CDC42BPB: variants seen among roughly 807,000 people sequenced by gnomAD.
CDC42BPB encodes the protein serine/threonine-protein kinase MRCK beta.
A neutral mutation model predicts 214.9 loss-of-function variants in CDC42BPB; 37 were observed. That is an observed-to-expected ratio of 0.17 (90% CI 0.13 to 0.23). The LOEUF (loss-of-function observed/expected upper bound fraction) is 0.23. Ranked by LOEUF, CDC42BPB falls within the 10% of genes least tolerant of loss-of-function variation. CDC42BPB has a pLI of 1.00. For missense variants in CDC42BPB, 1,694 were observed against 2,227.0 expected, an observed-to-expected ratio of 0.76 and a Z score of 4.82; for synonymous variants, 931 against 884.0, an observed-to-expected ratio of 1.05 and a Z score of -0.94.
intron 4 of CDC42BPB, among the ~76,000 whole-genome samples, chr14:103,000,183 GA>G (rs1894914507): frequency 6.6e-6 from 1 of 152,222 alleles, no homozygotes; most frequent in Admixed American, 6.5e-5. Context: ...TAAAAGAGCC[GA>G]AAGATAATTA....
At chr14:103,051,619 A>G (rs1445772013) in intron 1 of CDC42BPB, among the ~76,000 whole-genome samples, 5 of 152,202 alleles carry the variant, frequency 3.3e-5, no homozygotes, top group Non-Finnish European at 7.3e-5. Flanking sequence ...CAAGCAGAGG[A>G]GCTCTCTGTC....
At chr14:103,013,594 T>G (rs1886281473) in intron 1 of CDC42BPB, among the ~76,000 whole-genome samples, 1 of 152,288 alleles carries the variant, frequency 6.6e-6, no homozygotes, top group Non-Finnish European at 1.5e-5. Context: ...AGGCCCTAAG[T>G]CCAACAAGAC....
At chr14:102,946,399 T>A in intron 28 of CDC42BPB, 69 bp downstream of exon 28, 1 of 1,522,208 alleles carries the variant, frequency 6.6e-7, no homozygotes, top group Non-Finnish European at 9.0e-7. Flanking sequence ...GATTTTCAGA[T>A]GGGCACTGCA....
rs112499080 is a variant in CDC42BPB, at chr14:102,998,838, C to A, written c.596+727G>T. 2.0e-3 allele frequency among the ~76,000 whole-genome samples: 297 copies of A among 152,218 alleles called. 1 individual carries two copies. Among genetic ancestry groups the A allele is most frequent in the African/African-American group, 6.8e-3 (282 of 41,530 alleles). On this transcript the variant is annotated intron_variant, in intron 5 of 36. Transcript: ENST00000361246. Reference sequence around the variant, plus strand: ...GGGACAGAGGGCCCCAGGCCCCACACGAGACATTTCAGGGTGGTAAGGACA... The same window carrying A: ...GGGACAGAGGGCCCCAGGCCCCACAAGAGACATTTCAGGGTGGTAAGGACA...
At chr14:103,045,494 C>A (rs944980809) in intron 1 of CDC42BPB, among the ~76,000 whole-genome samples, 2 of 151,930 alleles carry the variant, frequency 1.3e-5, no homozygotes, top group Non-Finnish European at 2.9e-5. Context: ...TCCAGCCACC[C>A]GAGGAGCAGG....
chr14:102,937,286 C>A (rs1032901456), intron 36 of CDC42BPB: 10 of 152,534 alleles, frequency 6.6e-5, no homozygotes, highest in African/African-American at 2.4e-4. Flanking sequence ...CAGACAAAGA[C>A]AGGCTGGGGG....
chr14:102,968,557 C>G lies in CDC42BPB; in HGVS notation c.2155G>C (p.Val719Leu). The G allele has an allele frequency of 6.2e-7, 1 of 1,614,100 alleles. No individual in the cohort carries two copies. Among genetic ancestry groups the G allele is most frequent in the Non-Finnish European group, 8.5e-7 (1 of 1,180,026 alleles). Residue 719 changes from valine (V) to leucine (L), a missense_variant, in exon 15 of 37, where the codon GTG (valine) becomes CTG (leucine). Val to Leu is a conservative substitution (Grantham distance 32). Around this residue, in one of 7 missense-constraint regions of CDC42BPB, gnomAD observed 462 missense variants for 513.5 expected, o/e 0.90. Transcript: ENST00000361246. ...VLEVKNVKKE[V>L]HDSESHQLAL... ...AGCTGGTGGCTTTCTGAATCATGCA[C>G]CTCCTTCTTCACATTTTTCACTTCT... is the stretch of plus-strand genomic sequence containing the variant.
rs200790664 is a variant in CDC42BPB, at chr14:102,963,043, C to T, written c.2821+18G>A. The T allele has an allele frequency of 1.7e-4, 188 of 1,099,730 alleles. 1 individual carries two copies. The African/African-American group carries it at 2.1e-3, about 13-fold the overall frequency. The allele number at this position is 1,099,730 out of a possible 1,614,324, so 68.1% of individuals were successfully genotyped here. On this transcript the variant is annotated intron_variant, in intron 20 of 36. Coordinates refer to ENST00000361246, the MANE Select transcript of CDC42BPB (RefSeq NM_006035.4). ...TACTTATATTCAAATAATGCAGAATCGCACAACATTAATTTACCAGTATCT... is the reference window on the plus strand; with the variant it reads ...TACTTATATTCAAATAATGCAGAATTGCACAACATTAATTTACCAGTATCT...
intron 5 of CDC42BPB, among the ~76,000 whole-genome samples, chr14:102,986,969 C>T (rs1260386420): frequency 6.6e-6 from 1 of 152,216 alleles, no homozygotes; most frequent in African/African-American, 2.4e-5. Flanking sequence ...CAAATAGGCA[C>T]TGCTGTCTCA....
chr14:102,982,434 C>T (rs1306400285), intron 7 of CDC42BPB, among the ~76,000 whole-genome samples: 1 of 152,156 alleles, frequency 6.6e-6, no homozygotes, highest in East Asian at 1.9e-4. Context: ...GAGGGAAATG[C>T]TATGAGCACG....
At chr14:102,996,266 G>A (rs1383263394) in intron 5 of CDC42BPB, among the ~76,000 whole-genome samples, 1 of 152,114 alleles carries the variant, frequency 6.6e-6, no homozygotes, top group Admixed American at 6.5e-5. Context: ...CGTGAACCCG[G>A]GAGGCGGAGC....
intron 7 of CDC42BPB, among the ~76,000 whole-genome samples, chr14:102,982,817 T>G (rs1894064135): frequency 6.6e-6 from 1 of 151,468 alleles, no homozygotes; most frequent in Non-Finnish European, 1.5e-5. Context: ...AGGCAGAGGT[T>G]GCAGTGAGCC....
chr14:102,955,120 A>G (rs1892656194), intron 21 of CDC42BPB, among the ~76,000 whole-genome samples: 2 of 152,338 alleles, frequency 1.3e-5, no homozygotes, highest in Admixed American at 6.5e-5. Flanking sequence ...TAAGCCTAGC[A>G]GCCTTAAGAT....
rs541598839 is a variant in CDC42BPB, at chr14:103,001,377, T to A, written c.448-1664A>T. On this transcript the variant is annotated intron_variant, in intron 4 of 36. Transcript: ENST00000361246. This position sits in a 1 kb window ranked among gnomAD's most constrained non-coding sequence, Gnocchi z 5.8. ...CGTGGCCAGCATGGAGAGCAGGCAG[T>A]GGTGAGCGCCAGCTGACCGCAGGCC... is the stretch of plus-strand genomic sequence containing the variant. Among the ~76,000 whole-genome samples, 1 of 152,082 alleles carries A rather than the reference T, an allele frequency of 6.6e-6. No homozygotes were observed.
intron 1 of CDC42BPB, among the ~76,000 whole-genome samples, chr14:103,040,853 A>T (rs566933870): frequency 6.6e-5 from 10 of 152,304 alleles, no homozygotes; most frequent in African/African-American, 2.4e-4. Flanking sequence ...ATACTCCCCA[A>T]ATTGACCTAC....
chr14:103,003,940 G>A lies in CDC42BPB; in HGVS notation c.435C>T (p.Asp145=), dbSNP rs537108285. 30 of 1,609,562 alleles carry A rather than the reference G, an allele frequency of 1.9e-5. No homozygotes were observed. The highest frequency in any genetic ancestry group is 1.1e-4 in the East Asian group (5 of 44,726). The change falls in exon 4 of 37, where the codon GAC becomes GAT. Residue 145 remains aspartate, a synonymous_variant. Coordinates refer to ENST00000361246, the MANE Select transcript of CDC42BPB (RefSeq NM_006035.4). Reference sequence around the variant, plus strand: ...CTGTGCGACCTACCAGGTGGTTCTCGTCCTGAAAGGCGTAGTGCAGCGCGG... The same window carrying A: ...CTGTGCGACCTACCAGGTGGTTCTCATCCTGAAAGGCGTAGTGCAGCGCGG... ...WITALHYAFQ[D]ENHLYLVMDY...
intron 2 of CDC42BPB, among the ~76,000 whole-genome samples, chr14:103,010,537 A>T (rs893123199): frequency 6.6e-6 from 1 of 152,170 alleles, no homozygotes; most frequent in African/African-American, 2.4e-5. Context: ...TGGAAAATGC[A>T]CGCCCTGCAC....
chr14:103,051,154 C>CGGGG (rs1179516926), intron 1 of CDC42BPB, among the ~76,000 whole-genome samples: 2 of 6,828 alleles, frequency 2.9e-4, no homozygotes, highest in African/African-American at 9.3e-4. Flanking sequence ...GTATTTGGGG[C>CGGGG]GGGGGGGCGG....
At chr14:102,936,767 C>T (rs1277510213) in intron 36 of CDC42BPB, among the ~76,000 whole-genome samples, 3 of 152,238 alleles carry the variant, frequency 2.0e-5, no homozygotes, top group Non-Finnish European at 2.9e-5. Flanking sequence ...GTACTACACA[C>T]GTGAACCGTG....
Sources: allele counts gnomAD v4.1 joint callset (sites outside exome capture counted in the v4.1 genomes callset), GRCh38; gene constraint gnomAD v4.1.1; regional missense constraint gnomAD v4.1.1; non-coding constraint Gnocchi (gnomAD v3.1); transcripts MANE v1.5; gene names NCBI Gene and HGNC (gene_info 2026-07-23, HGNC 2026-07-21).